Variants in SCAF4 observed in about 807,000 individuals in gnomAD.
SCAF4 encodes the protein SR-related CTD associated factor 4.
Under a neutral mutation model 129.8 loss-of-function variants are expected in SCAF4, and 25 were observed. The ratio of observed to expected loss-of-function variants is 0.19; its 90% CI spans 0.14 to 0.27. The LOEUF (loss-of-function observed/expected upper bound fraction) is 0.27. SCAF4 is among the 10% of genes least tolerant of loss of function. The pLI, the probability that SCAF4 is intolerant of heterozygous loss-of-function variation, is 1.00. For missense variants in SCAF4, 1,246 were observed against 1,457.1 expected (o/e 0.86, Z 2.36); for synonymous variants, 551 against 497.7 (o/e 1.11, Z -1.43).
At chr21:31,689,949 A>G (rs546414253) in intron 15 of SCAF4, among the ~76,000 whole-genome samples, 2 of 151,884 alleles carry the variant, frequency 1.3e-5, no homozygotes, top group South Asian at 4.2e-4. Flanking sequence ...CGAAACAAAA[A>G]CAACAAAAAA....
chr21:31,708,155 A>T (rs970311397), intron 1 of SCAF4, among the ~76,000 whole-genome samples: 1 of 152,158 alleles, frequency 6.6e-6, no homozygotes, highest in African/African-American at 2.4e-5. Flanking sequence ...TGGGAGGCCT[A>T]GGTGGGCGGT....
chr21:31,692,774 G>C (rs1321973907), intron 12 of SCAF4, among the ~76,000 whole-genome samples: 1 of 152,142 alleles, frequency 6.6e-6, no homozygotes, highest in Non-Finnish European at 1.5e-5. Flanking sequence ...GCAGAACTAG[G>C]ATTGGAGCTC....
intron 7 of SCAF4, among the ~76,000 whole-genome samples, chr21:31,699,429 A>G (rs1160068987): frequency 6.6e-6 from 1 of 152,132 alleles, no homozygotes; most frequent in South Asian, 2.1e-4. Flanking sequence ...AGAGTGCAAG[A>G]ATATACACGA....
At chr21:31,730,110 T>C (rs2051311808) in intron 1 of SCAF4, among the ~76,000 whole-genome samples, 1 of 152,242 alleles carries the variant, frequency 6.6e-6, no homozygotes, top group African/African-American at 2.4e-5. Context: ...TAAATTCTCA[T>C]TCAACAATTA....
intron 16 of SCAF4, among the ~76,000 whole-genome samples, chr21:31,686,197 G>A (rs1449166488): frequency 7.5e-6 from 1 of 132,620 alleles, no homozygotes; most frequent in Non-Finnish European, 1.5e-5. Flanking sequence ...AGCAAGACTT[G>A]GTCTTCAAAA....
At chr21:31,704,903 T>A (rs1431116201) in intron 3 of SCAF4, among the ~76,000 whole-genome samples, 1 of 152,178 alleles carries the variant, frequency 6.6e-6, no homozygotes, top group African/African-American at 2.4e-5. Flanking sequence ...TTATAAACAC[T>A]GATTAGTAGG....
intron 16 of SCAF4, among the ~76,000 whole-genome samples, chr21:31,686,420 T>G (rs963981896): frequency 3.3e-5 from 5 of 152,134 alleles, no homozygotes; most frequent in Non-Finnish European, 7.4e-5. Context: ...TCACAGGTCC[T>G]GGAGCCAAAC....
At chr21:31,674,471 A>C (rs2049798992) in intron 19 of SCAF4, among the ~76,000 whole-genome samples, 1 of 152,214 alleles carries the variant, frequency 6.6e-6, no homozygotes, top group African/African-American at 2.4e-5. Context: ...AGCCAACTAA[A>C]TTTATAGATT....
At chr21:31,673,670 T>A (rs1202990300) in intron 19 of SCAF4, among the ~76,000 whole-genome samples, 1 of 152,228 alleles carries the variant, frequency 6.6e-6, no homozygotes, top group Non-Finnish European at 1.5e-5. Context: ...GTATATACCA[T>A]ACACTGGGGC....
At chr21:31,674,193 A>T (rs1428562087) in intron 19 of SCAF4, among the ~76,000 whole-genome samples, 1 of 152,200 alleles carries the variant, frequency 6.6e-6, no homozygotes, top group Non-Finnish European at 1.5e-5. Flanking sequence ...CCTGATGATA[A>T]AATACAAACC....
rs199790277 is a variant in SCAF4, at chr21:31,694,928, G to C, written c.1121C>G (p.Pro374Arg). The C allele has an allele frequency of 3.0e-5, 48 of 1,614,036 alleles. No individual in the cohort carries two copies. In the East Asian group the frequency reaches 1.0e-3, roughly 34 times the overall value. ...AGGCTGAGCCATGGGAGGAAATGGA[G>C]GTGTAGGAAGAAGTCCAAATCCTGG... Reference protein sequence around the residue: ...QMPGFGLLPTPPFPPMAQPVI... With the variant: ...QMPGFGLLPTRPFPPMAQPVI... The change falls in exon 10 of 20, where the codon CCT becomes CGT. Residue 374 changes from proline (P) to arginine (R), a missense_variant. Transcript: ENST00000286835.
chr21:31,730,215 C>T (rs1276051841), intron 1 of SCAF4, among the ~76,000 whole-genome samples: 2 of 152,346 alleles, frequency 1.3e-5, no homozygotes, highest in Admixed American at 6.5e-5. Flanking sequence ...CCAGTGAATT[C>T]TACCTTCAGA....
intron 1 of SCAF4, among the ~76,000 whole-genome samples, chr21:31,729,509 G>T (rs1304159299): frequency 2.0e-5 from 3 of 152,180 alleles, no homozygotes; most frequent in Non-Finnish European, 4.4e-5. Flanking sequence ...GGCTGTGCAG[G>T]TGAGCAGGCA....
chr21:31,702,154 G>T (rs2050547860), intron 5 of SCAF4, 90 bp downstream of exon 5: 2 of 1,538,568 alleles, frequency 1.3e-6, no homozygotes, highest in African/African-American at 1.4e-5. Context: ...CCTTCTTATA[G>T]AAAAATTCCT....
intron 15 of SCAF4, 52 bp downstream of exon 15, chr21:31,690,745 T>C: frequency 6.5e-7 from 1 of 1,530,264 alleles, no homozygotes. Flanking sequence ...ATTTGTCATA[T>C]GTACTACCAA....
intron 6 of SCAF4, 35 bp downstream of exon 6, chr21:31,701,741 C>G: frequency 6.3e-7 from 1 of 1,584,044 alleles, no homozygotes; most frequent in Non-Finnish European, 8.6e-7. Flanking sequence ...GTACCTAGTC[C>G]TGCAAACAAT....
chr21:31,689,785 A>T (rs2050215196), intron 15 of SCAF4, among the ~76,000 whole-genome samples: 1 of 151,368 alleles, frequency 6.6e-6, no homozygotes, highest in South Asian at 2.1e-4. Flanking sequence ...TACCAAAAAA[A>T]TTAGCATGGC....
chr21:31,682,065 A>G (rs2050007495), intron 19 of SCAF4, among the ~76,000 whole-genome samples: 1 of 152,210 alleles, frequency 6.6e-6, no homozygotes, highest in Non-Finnish European at 1.5e-5. Context: ...GAACTTTAAT[A>G]TGTGTAAATT....
intron 1 of SCAF4, among the ~76,000 whole-genome samples, chr21:31,721,353 T>C (rs1016571827): frequency 6.6e-6 from 1 of 152,220 alleles, no homozygotes; most frequent in Admixed American, 6.5e-5. Context: ...CTAAGTCATG[T>C]ATGGCCATTA....
Sources: gnomAD v4.1 joint callset for allele counts (sites outside exome capture counted in the v4.1 genomes callset) on GRCh38, gnomAD v4.1.1 for gene constraint, MANE v1.5 for transcripts, NCBI Gene and HGNC (gene_info 2026-07-23, HGNC 2026-07-21) for gene names.